Variants in NCKAP5 observed in about 807,000 individuals in gnomAD.
NCKAP5 encodes the protein NCK associated protein 5.
NCKAP5 carries 92 observed loss-of-function variants against 167.0 expected under a neutral mutation model. The observed-to-expected ratio is 0.55, with a 90% CI of 0.47 to 0.66. The LOEUF is 0.66. Ranked by LOEUF, NCKAP5 falls within the 30% of genes least tolerant of loss-of-function variation. NCKAP5 has a pLI of 0.00. For missense variants in NCKAP5, 2,378 were observed against 2,315.0 expected (o/e 1.03, Z -0.56); for synonymous variants, 891 against 877.4 (o/e 1.02, Z -0.27).
chr2:132,948,073 G>C (rs1697894932), intron 8 of NCKAP5, among the ~76,000 whole-genome samples: 1 of 152,120 alleles, frequency 6.6e-6, no homozygotes, highest in Admixed American at 6.5e-5. Context: ...GGGAAGAGAG[G>C]GGAACTGTGA....
chr2:133,380,513 C>A (rs1686446691), intron 3 of NCKAP5, among the ~76,000 whole-genome samples: 1 of 152,114 alleles, frequency 6.6e-6, no homozygotes, highest in Non-Finnish European at 1.5e-5. Context: ...AGAAGCAAAT[C>A]AGATAAAAAT....
chr2:133,017,931 G>A (rs2078396329), intron 6 of NCKAP5, among the ~76,000 whole-genome samples: 1 of 152,180 alleles, frequency 6.6e-6, no homozygotes, highest in Non-Finnish European at 1.5e-5. Context: ...GCAAATCACA[G>A]CTCTTAATGG....
chr2:133,547,133 T>C (rs189593364), intron 2 of NCKAP5, among the ~76,000 whole-genome samples: 113 of 152,080 alleles, frequency 7.4e-4, no homozygotes, highest in African/African-American at 2.2e-3. Flanking sequence ...ACCTGGAAAA[T>C]TGGGTCACTC....
intron 11 of NCKAP5, among the ~76,000 whole-genome samples, chr2:132,817,940 A>C (rs763823948): frequency 3.9e-5 from 6 of 152,172 alleles, no homozygotes; most frequent in Non-Finnish European, 5.9e-5. Context: ...TTAATGTTAA[A>C]TTCTTTATTT....
At chr2:133,353,736 CAAT>C (rs1207436131) in intron 3 of NCKAP5, among the ~76,000 whole-genome samples, 2 of 152,292 alleles carry the variant, frequency 1.3e-5, no homozygotes, top group African/African-American at 4.8e-5. Flanking sequence ...AACATCTCAA[CAAT>C]GAGAGGCTCA....
chr2:132,712,426 C>T (rs903605573), intron 19 of NCKAP5, among the ~76,000 whole-genome samples: 8 of 152,058 alleles, frequency 5.3e-5, no homozygotes, highest in South Asian at 2.1e-4. Flanking sequence ...CCAAGGGGGG[C>T]GGATCATGAG....
chr2:133,574,264 T>C, the NCKAP5 span, among the ~76,000 whole-genome samples: 2 of 152,162 alleles, frequency 1.3e-5, no homozygotes, highest in South Asian at 2.1e-4. Context: ...TGACGCATAA[T>C]AGCCCCTGAC....
chr2:133,452,789 T>G (rs969906060), intron 3 of NCKAP5, among the ~76,000 whole-genome samples: 1 of 152,170 alleles, frequency 6.6e-6, no homozygotes, highest in Non-Finnish European at 1.5e-5. Flanking sequence ...CCTCCCGTGA[T>G]GTCCCAGACC....
intron 9 of NCKAP5, 56 bp from the exon 10 acceptor site, chr2:132,869,030 G>A (rs893316818): frequency 5.5e-6 from 7 of 1,263,882 alleles, no homozygotes; most frequent in African/African-American, 1.5e-5. Context: ...TATATGCACC[G>A]ACTCTAATTT....
intron 8 of NCKAP5, among the ~76,000 whole-genome samples, chr2:132,946,441 G>A (rs1324620362): frequency 6.6e-6 from 1 of 152,064 alleles, no homozygotes; most frequent in Admixed American, 6.5e-5. Flanking sequence ...GGTGACAGCG[G>A]CCCTCAAAAA....
At chr2:132,814,516 C>G (rs1686114994) in intron 11 of NCKAP5, among the ~76,000 whole-genome samples, 1 of 152,110 alleles carries the variant, frequency 6.6e-6, no homozygotes, top group African/African-American at 2.4e-5. Context: ...AGCTAATACA[C>G]AGGATTCATC....
At chr2:133,590,818 T>C in the NCKAP5 span, among the ~76,000 whole-genome samples, 1 of 152,212 alleles carries the variant, frequency 6.6e-6, no homozygotes, top group Admixed American at 6.5e-5. Context: ...TTTGATTTAA[T>C]AAGCAGTTTT....
chr2:133,469,323 A>T (rs1426729246), intron 3 of NCKAP5, among the ~76,000 whole-genome samples: 9 of 152,090 alleles, frequency 5.9e-5, no homozygotes, highest in African/African-American at 2.2e-4. Flanking sequence ...TTCTTTAAGA[A>T]TGTTGAATAT....
intron 3 of NCKAP5, among the ~76,000 whole-genome samples, chr2:133,319,752 T>C (rs1256280889): frequency 6.6e-6 from 1 of 152,214 alleles, no homozygotes; most frequent in Non-Finnish European, 1.5e-5. Context: ...CAATTTACTA[T>C]GATGAGGTTG....
chr2:133,554,125 T>G (rs1687572485), intron 2 of NCKAP5, among the ~76,000 whole-genome samples: 1 of 152,198 alleles, frequency 6.6e-6, no homozygotes, highest in African/African-American at 2.4e-5. Context: ...TCTCTGAGGC[T>G]TCTAGTTTCT....
chr2:133,660,760 A>T, the NCKAP5 span, among the ~76,000 whole-genome samples: 1 of 152,104 alleles, frequency 6.6e-6, no homozygotes, highest in Non-Finnish European at 1.5e-5. Flanking sequence ...CTAGGATGGA[A>T]TATGCCTCTG....
rs533473714 is a variant in NCKAP5 at position 132,732,588 on chromosome 2, C to T, written c.5129-537G>A. Among the ~76,000 whole-genome samples the T allele has an allele frequency of 1.0e-3, 159 of 152,240 alleles. 1 individual carries two copies. Among genetic ancestry groups the T allele is most frequent in the Admixed American group, 2.0e-3 (30 of 15,288 alleles). ...CCAGCCTGTTACAAGCAGCAATAGTCGCTTGTGCATATATCCTGGATAATC... is the reference window on the plus strand; with the variant it reads ...CCAGCCTGTTACAAGCAGCAATAGTTGCTTGTGCATATATCCTGGATAATC... On this transcript the variant is annotated intron_variant, in intron 16 of 19. Transcript: ENST00000409261.
chr2:133,464,931 A>G (rs556178482), intron 3 of NCKAP5, among the ~76,000 whole-genome samples: 18 of 152,016 alleles, frequency 1.2e-4, no homozygotes, highest in African/African-American at 3.1e-4. Context: ...ACTTGGGGCC[A>G]ATTATAGACT....
rs1020394300 is a variant in NCKAP5, at chr2:133,328,451, G to A, written c.70-25341C>T. 7.2e-5 allele frequency among the ~76,000 whole-genome samples: 11 copies of A among 152,290 alleles called. No homozygotes were observed. In the East Asian group the frequency reaches 1.7e-3, roughly 24 times the overall value. On this transcript the variant is annotated intron_variant, in intron 3 of 19. Coordinates refer to ENST00000409261, the MANE Select transcript of NCKAP5 (RefSeq NM_207363.3). ...TTAATACATTTTAGGGGGGAAAGCCGAAGACTCAACTACAGAGGCAGAAGG... is the reference window on the plus strand; with the variant it reads ...TTAATACATTTTAGGGGGGAAAGCCAAAGACTCAACTACAGAGGCAGAAGG...
Sources: gnomAD v4.1 joint callset for allele counts (sites outside exome capture counted in the v4.1 genomes callset) on GRCh38, gnomAD v4.1.1 for gene constraint, MANE v1.5 for transcripts, NCBI Gene and HGNC (gene_info 2026-07-23, HGNC 2026-07-21) for gene names.